The following RABGAP1L variants were observed in gnomAD, a reference collection of about 807,000 sequenced individuals.
RABGAP1L encodes RAB GTPase activating protein 1 like, also known as rab GTPase-activating protein 1-like.
A neutral mutation model predicts 137.7 loss-of-function variants in RABGAP1L; 63 were observed. That is an observed-to-expected ratio of 0.46 (90% CI 0.37 to 0.56). RABGAP1L has a LOEUF of 0.56. Among genes scored for constraint, RABGAP1L ranks in the 20% least tolerant of loss-of-function variants. The pLI, the probability that RABGAP1L is intolerant of heterozygous loss-of-function variation, is 0.00. For synonymous variants in RABGAP1L, 431 were observed against 433.7 expected (o/e 0.99, Z 0.08); for missense variants, 1,095 against 1,244.0 (o/e 0.88, Z 1.80).
At chr1:174,846,165 T>G (rs1694026705) in intron 19 of RABGAP1L, among the ~76,000 whole-genome samples, 1 of 151,066 alleles carries the variant, frequency 6.6e-6, no homozygotes, top group South Asian at 2.1e-4. Context: ...TGTTGATCCT[T>G]TCAAAAAACC....
intron 13 of RABGAP1L, among the ~76,000 whole-genome samples, chr1:174,502,783 A>C (rs376118430): frequency 6.6e-6 from 1 of 151,880 alleles, no homozygotes. Context: ...AGAATATGAG[A>C]TGAATTAGTG....
chr1:174,327,974 TATATACACACAC>T (rs1469144504), intron 11 of RABGAP1L, among the ~76,000 whole-genome samples: 11 of 16,102 alleles, frequency 6.8e-4, no homozygotes, highest in African/African-American at 5.0e-3. Flanking sequence ...TATATATATA[TATATACACACAC>T]ATATATATAT....
At chr1:174,547,206 T>C (rs907330678) in intron 13 of RABGAP1L, among the ~76,000 whole-genome samples, 5 of 152,132 alleles carry the variant, frequency 3.3e-5, no homozygotes, top group African/African-American at 7.2e-5. Context: ...TCTTTGTGTG[T>C]AAAAAGTTAG....
At chr1:174,613,644 G>A (rs1415294554) in intron 13 of RABGAP1L, among the ~76,000 whole-genome samples, 3 of 152,144 alleles carry the variant, frequency 2.0e-5, no homozygotes, top group Non-Finnish European at 4.4e-5. Flanking sequence ...TCTGTCTAAT[G>A]TTGACAGTGG....
chr1:174,190,517 C>CTT (rs1362824773), intron 1 of RABGAP1L, among the ~76,000 whole-genome samples: 15 of 152,136 alleles, frequency 9.9e-5, no homozygotes, highest in Admixed American at 7.2e-4. Context: ...CTGCGGCTTC[C>CTT]TTACCCTTTT....
intron 19 of RABGAP1L, among the ~76,000 whole-genome samples, chr1:174,838,577 TAG>T (rs371436790): frequency 2.0e-4 from 30 of 151,978 alleles, no homozygotes; most frequent in African/African-American, 6.8e-4. Flanking sequence ...TAATTTGAAA[TAG>T]AGAGTATTAT....
At chr1:174,839,970 G>A (rs1330388209) in intron 19 of RABGAP1L, among the ~76,000 whole-genome samples, 1 of 152,132 alleles carries the variant, frequency 6.6e-6, no homozygotes, top group East Asian at 1.9e-4. Flanking sequence ...AGAAACTATG[G>A]GAGGAATTTC....
At chr1:174,699,765 A>C in intron 16 of RABGAP1L, 115 bp downstream of exon 16, 1 of 1,033,188 alleles carries the variant, frequency 9.7e-7, no homozygotes, top group Non-Finnish European at 1.4e-6. Context: ...ATTATAGAAA[A>C]TGTACATGGA....
intron 13 of RABGAP1L, among the ~76,000 whole-genome samples, chr1:174,447,074 TATGAA>T (rs1168986787): frequency 6.6e-6 from 1 of 152,180 alleles, no homozygotes; most frequent in Admixed American, 6.5e-5. Context: ...GAAGGTGGTA[TATGAA>T]ATAACAAATG....
chr1:174,671,158 AAC>A (rs1677149110), intron 14 of RABGAP1L, among the ~76,000 whole-genome samples: 2 of 152,238 alleles, frequency 1.3e-5, no homozygotes, highest in South Asian at 4.1e-4. Flanking sequence ...AAATGCTACT[AAC>A]ACACTTTTAT....
At chr1:174,897,978 C>CAAAAAAA (rs1229186256) in intron 19 of RABGAP1L, 4 of 88,076 alleles carry the variant, frequency 4.5e-5, no homozygotes, top group Admixed American at 1.3e-4. Context: ...GACTCCATCT[C>CAAAAAAA]AAAAAAAAAA....
At chr1:174,656,763 G>A (rs1318212611) in intron 14 of RABGAP1L, among the ~76,000 whole-genome samples, 3 of 152,134 alleles carry the variant, frequency 2.0e-5, no homozygotes, top group African/African-American at 7.2e-5. Flanking sequence ...TCTGTCCACT[G>A]AAATCTCTGC....
At chr1:174,374,866 C>T (rs1034869927) in intron 12 of RABGAP1L, among the ~76,000 whole-genome samples, 4 of 152,000 alleles carry the variant, frequency 2.6e-5, no homozygotes, top group African/African-American at 9.7e-5. Context: ...TTTTCCTAGC[C>T]CTTAGATTGA....
rs115866013 is a variant in RABGAP1L at position 174,497,529 on chromosome 1, A to G, written c.1710+103384A>G. ...TGTCTTCCCATGTTCCTTCTCCCCC[A>G]CTCCCTTGTCCCATTTGGTTTTCTG... On this transcript the variant is annotated intron_variant, in intron 13 of 25. Coordinates refer to ENST00000681986, the MANE Select transcript of RABGAP1L (RefSeq NM_001366446.1). Among the ~76,000 whole-genome samples, 1,445 of 150,808 alleles carry G rather than the reference A, an allele frequency of 9.6e-3. 24 individuals carry two copies. Among genetic ancestry groups the G allele is most frequent in the African/African-American group, 0.034 (1,386 of 40,972 alleles).
intron 13 of RABGAP1L, among the ~76,000 whole-genome samples, chr1:174,577,637 G>A (rs1255483794): frequency 6.6e-6 from 1 of 152,114 alleles, no homozygotes; most frequent in Non-Finnish European, 1.5e-5. Flanking sequence ...AGTAGCTATA[G>A]GCTATTTTGA....
At chr1:174,229,348 A>C (rs936423414) in intron 3 of RABGAP1L, among the ~76,000 whole-genome samples, 8 of 152,184 alleles carry the variant, frequency 5.3e-5, no homozygotes, top group Non-Finnish European at 2.9e-5. Flanking sequence ...TTTTGGGGCT[A>C]ATTCACAGTA....
intron 11 of RABGAP1L, among the ~76,000 whole-genome samples, chr1:174,341,985 T>G (rs10489255): frequency 6.6e-6 from 1 of 151,910 alleles, no homozygotes; most frequent in Non-Finnish European, 1.5e-5. Flanking sequence ...AATGTTACAG[T>G]TTTTCATAGA....
chr1:174,874,612 G>C, intron 19 of RABGAP1L: 1 of 604,024 alleles, frequency 1.7e-6, no homozygotes, highest in Non-Finnish European at 2.0e-6. Context: ...TTCCAATGCA[G>C]TTGCGTGGTG....
intron 17 of RABGAP1L, among the ~76,000 whole-genome samples, chr1:174,722,487 T>A (rs1681640313): frequency 6.6e-6 from 1 of 151,682 alleles, no homozygotes; most frequent in African/African-American, 2.4e-5. Flanking sequence ...TTCACTCTTG[T>A]TGCCCAGGCT....
Sources: gnomAD v4.1 joint callset for allele counts (sites outside exome capture counted in the v4.1 genomes callset) on GRCh38, gnomAD v4.1.1 for gene constraint, MANE v1.5 for transcripts, NCBI Gene and HGNC (gene_info 2026-07-23, HGNC 2026-07-21) for gene names.